Variants in WDR49 observed in about 807,000 individuals in gnomAD.
The protein encoded by WDR49 is cilia- and flagella-associated protein 337.
In WDR49, 107 loss-of-function variants were observed where a neutral mutation model predicts 119.5. The observed-to-expected ratio is 0.90, with a 90% confidence interval of 0.77 to 1.05. WDR49 has a LOEUF of 1.05. WDR49 is among the 50% of genes least tolerant of loss of function. The pLI, the probability that WDR49 is intolerant of heterozygous loss-of-function variation, is 0.00. For synonymous variants in WDR49, 425 were observed against 418.8 expected, an observed-to-expected ratio of 1.01 and a Z score of -0.18; for missense variants, 1,240 against 1,220.5, an observed-to-expected ratio of 1.02 and a Z score of -0.24.
At chr3:167,643,979 G>T (rs1202755243) in intron 2 of WDR49, among the ~76,000 whole-genome samples, 2 of 150,938 alleles carry the variant, frequency 1.3e-5, no homozygotes, top group Admixed American at 1.3e-4. Flanking sequence ...ACAAAAACTG[G>T]CTACCAGATC....
chr3:167,624,770 T>C (rs1717049200), intron 3 of WDR49, among the ~76,000 whole-genome samples: 2 of 152,090 alleles, frequency 1.3e-5, no homozygotes, highest in African/African-American at 2.4e-5. Flanking sequence ...AATAACAGAA[T>C]ACTGCACATA....
intron 10 of WDR49, among the ~76,000 whole-genome samples, chr3:167,553,279 T>C (rs892487374): frequency 6.6e-6 from 1 of 152,090 alleles, no homozygotes; most frequent in African/African-American, 2.4e-5. Context: ...TGAAGGAAGA[T>C]GGAAAAAGTG....
upstream of WDR49, among the ~76,000 whole-genome samples, chr3:167,656,483 C>G (rs1379063691): frequency 6.6e-6 from 1 of 152,054 alleles, no homozygotes; most frequent in African/African-American, 2.4e-5. Context: ...GGTAGGTATC[C>G]CACTGGCTGA....
At chr3:167,543,051 G>C (rs145362389) in intron 10 of WDR49, among the ~76,000 whole-genome samples, 1 of 151,900 alleles carries the variant, frequency 6.6e-6, no homozygotes, top group Non-Finnish European at 1.5e-5. Context: ...AGAGGATTTG[G>C]ATGCATTTCT....
At chr3:167,517,889 C>G (rs983803409) in intron 16 of WDR49, among the ~76,000 whole-genome samples, 1 of 151,968 alleles carries the variant, frequency 6.6e-6, no homozygotes, top group Non-Finnish European at 1.5e-5. Flanking sequence ...CCACCCTCCC[C>G]CAACCCCACA....
At chr3:167,518,362 T>C (rs1416645708) in intron 16 of WDR49, among the ~76,000 whole-genome samples, 3 of 151,984 alleles carry the variant, frequency 2.0e-5, no homozygotes, top group African/African-American at 4.8e-5. Flanking sequence ...AGTGTAAAAG[T>C]GTTCCTATTT....
At chr3:167,642,343 T>C (rs1717919031) in intron 2 of WDR49, among the ~76,000 whole-genome samples, 1 of 151,782 alleles carries the variant, frequency 6.6e-6, no homozygotes, top group African/African-American at 2.4e-5. Context: ...ATTTTTAGAG[T>C]AGTGTTAATA....
chr3:167,509,344 T>C (rs1232511058), intron 16 of WDR49, among the ~76,000 whole-genome samples: 2 of 152,186 alleles, frequency 1.3e-5, no homozygotes, highest in Non-Finnish European at 2.9e-5. Flanking sequence ...TGTGAGTGTG[T>C]CATATAGGAA....
chr3:167,569,132 T>TG (rs1399548118), intron 8 of WDR49, among the ~76,000 whole-genome samples: 1 of 151,976 alleles, frequency 6.6e-6, no homozygotes, highest in African/African-American at 2.4e-5. Flanking sequence ...TTAGTAGAGA[T>TG]GGGGTTTTAC....
In WDR49 at chr3:167,653,478, T is replaced by G; in HGVS notation, c.-53A>C. ...TCAACTATTTCTATAAGGATGGATC[T>G]TCTTTTTCCTTCAACAGGTGCCTTT... is the stretch of plus-strand genomic sequence containing the variant. On this transcript the variant is annotated 5_prime_UTR_variant, in exon 2 of 19. Coordinates refer to ENST00000682715, the MANE Select transcript of WDR49 (RefSeq NM_001366157.1). 7.0e-7 allele frequency: 1 copy of G among 1,418,446 alleles called. No homozygotes were observed. Among genetic ancestry groups the G allele is most frequent in the Non-Finnish European group, 9.2e-7 (1 of 1,091,798 alleles). 87.9% of individuals were successfully genotyped at this position (1,418,446 alleles called of 1,614,324 possible). A position where few individuals can be genotyped will look rare whatever the true frequency, so the allele number is the denominator to read the frequency against.
At chr3:167,595,256 G>A (rs1285970441) in intron 7 of WDR49, among the ~76,000 whole-genome samples, 1 of 152,170 alleles carries the variant, frequency 6.6e-6, no homozygotes, top group Non-Finnish European at 1.5e-5. Flanking sequence ...ACGCTCATGG[G>A]TAGGAAGAAT....
chr3:167,532,704 G>A (rs1226646672), intron 12 of WDR49, among the ~76,000 whole-genome samples, 175 bp downstream of exon 12: 1 of 152,142 alleles, frequency 6.6e-6, no homozygotes, highest in Non-Finnish European at 1.5e-5. Context: ...GCTAAGCCAA[G>A]TAAATCTCAA....
intron 16 of WDR49, among the ~76,000 whole-genome samples, chr3:167,514,542 G>A (rs1752118182): frequency 6.6e-6 from 1 of 151,266 alleles, no homozygotes; most frequent in South Asian, 2.1e-4. Context: ...CACAACTAAT[G>A]AACTAGAGAA....
intron 8 of WDR49, chr3:167,575,064 T>C (rs1441559889): frequency 2.0e-6 from 2 of 985,288 alleles, no homozygotes; most frequent in East Asian, 2.3e-4. Flanking sequence ...TGCAGAAGCT[T>C]CTGCAGAAGG....
chr3:167,501,998 G>A (rs1481858613), intron 17 of WDR49, among the ~76,000 whole-genome samples: 1 of 152,148 alleles, frequency 6.6e-6, no homozygotes, highest in Non-Finnish European at 1.5e-5. Context: ...GTAATCCCCA[G>A]CATTGGAGAT....
In WDR49 at chr3:167,633,088, C is replaced by CGTGTGTGT. The variant is rs3061397; in HGVS notation, c.166-5804_166-5797dup. 1.5e-3 allele frequency among the ~76,000 whole-genome samples: 218 copies of CGTGTGTGT among 147,084 alleles called. 2 individuals carry two copies. Among genetic ancestry groups the CGTGTGTGT allele is most frequent in the South Asian group, 0.015 (67 of 4,556 alleles). Reference sequence around the variant, plus strand: ...GGTTTTCTGAGAATTTAGCCAAACTCGTGTGTGTGTGTGTGTGTGTGTGTG... The same window carrying CGTGTGTGT: ...GGTTTTCTGAGAATTTAGCCAAACTCGTGTGTGTGTGTGTGTGTGTGTGTGTGTGTGTG... On this transcript the variant is annotated intron_variant, in intron 2 of 18. Transcript: ENST00000682715.
At chr3:167,531,357 C>T (rs925067405) in intron 12 of WDR49, 78 bp from the exon 13 acceptor site, 115 of 1,483,524 alleles carry the variant, frequency 7.8e-5, no homozygotes, top group Non-Finnish European at 1.0e-4. Flanking sequence ...AAATAGCAGG[C>T]CCACATCTAT....
intron 15 of WDR49, among the ~76,000 whole-genome samples, chr3:167,525,346 A>G (rs1752595882): frequency 6.6e-6 from 1 of 152,118 alleles, no homozygotes; most frequent in Non-Finnish European, 1.5e-5. Flanking sequence ...ATCACGTTGT[A>G]TGCAAACAGA....
At position 167,649,185 on chromosome 3, in the gene WDR49, G is replaced by A. The variant is rs149878721; in HGVS notation, c.165+4076C>T. Among the ~76,000 whole-genome samples, 975 of 152,198 alleles carry A rather than the reference G, an allele frequency of 6.4e-3. 1 individual carries two copies. The highest frequency in any genetic ancestry group is 0.01 in the Non-Finnish European group (698 of 67,984). On this transcript the variant is annotated intron_variant, in intron 2 of 18. Transcript: ENST00000682715. ...AGAATAGTTTTGGAGTATGAGACAC[G>A]TCTAGGAAGACCTGTTCATTTGGGT...
Sources: gnomAD v4.1 joint callset for allele counts (sites outside exome capture counted in the v4.1 genomes callset) on GRCh38, gnomAD v4.1.1 for gene constraint, MANE v1.5 for transcripts, NCBI Gene and HGNC (gene_info 2026-07-23, HGNC 2026-07-21) for gene names.